SLC38A8: variants seen among roughly 807,000 people sequenced by gnomAD.
SLC38A8 encodes amino acid transporter SLC38A8.
A neutral mutation model predicts 46.0 loss-of-function variants in SLC38A8; 65 were observed. That is an observed-to-expected ratio of 1.41 (90% CI 1.16 to 1.74). The LOEUF is 1.74. Ranked by LOEUF, SLC38A8 falls within the 40% of genes most tolerant of loss-of-function variation. SLC38A8 has a pLI of 0.00. For missense variants in SLC38A8, 998 were observed against 567.9 expected, an observed-to-expected ratio of 1.76 and a Z score of -7.70; for synonymous variants, 447 against 243.7, an observed-to-expected ratio of 1.83 and a Z score of -7.77.
At chr16:84,021,448 G>A (rs184087124) in intron 7 of SLC38A8, among the ~76,000 whole-genome samples, 3 of 152,256 alleles carry the variant, frequency 2.0e-5, no homozygotes, top group Admixed American at 2.0e-4. Flanking sequence ...GCTTCTAACA[G>A]GTTTGTCCTT....
rs112161153 is a variant in SLC38A8, at chr16:84,041,913, A to G, written c.189+56T>C. The G allele has an allele frequency of 2.0e-6, 3 of 1,490,702 alleles. No individual in the cohort carries two copies. In the African/African-American group the frequency reaches 4.2e-5, roughly 21 times the overall value. The allele number at this position is 1,490,702 out of a possible 1,614,324, so 92.3% of individuals were successfully genotyped here. A position where few individuals can be genotyped will look rare whatever the true frequency, so the allele number is the denominator to read the frequency against. The stretch of plus-strand genomic sequence containing the variant: ...AGAAGCAATGCGAGGAACCCCACCC[A>G]GAAAAGCCAAAGCCACCTCGTACCC... On this transcript the variant is annotated intron_variant, in intron 2 of 10. Coordinates refer to ENST00000299709, the MANE Select transcript of SLC38A8 (RefSeq NM_001080442.3).
intron 6 of SLC38A8, among the ~76,000 whole-genome samples, chr16:84,024,543 G>T (rs1295074723): frequency 6.6e-6 from 1 of 152,066 alleles, no homozygotes; most frequent in Non-Finnish European, 1.5e-5. Context: ...CACTTTGGGA[G>T]GCCAAGGCGT....
intron 3 of SLC38A8, among the ~76,000 whole-genome samples, chr16:84,036,058 G>A (rs529941329): frequency 9.9e-5 from 15 of 152,272 alleles, no homozygotes; most frequent in Non-Finnish European, 2.2e-4. Context: ...AGTCTCACTG[G>A]ATCTCAAAAG....
intron 6 of SLC38A8, among the ~76,000 whole-genome samples, chr16:84,027,047 T>C (rs1846626559): frequency 6.6e-6 from 1 of 152,144 alleles, no homozygotes; most frequent in African/African-American, 2.4e-5. Context: ...TCAATAAAGA[T>C]ATTTTTTAAA....
rs757244483 is a variant in SLC38A8 at position 84,017,169 on chromosome 16, A to G, written c.924T>C (p.Thr308=). The G allele has an allele frequency of 1.4e-5, 22 of 1,614,030 alleles. No homozygotes were observed. The highest frequency in any genetic ancestry group is 4.0e-5 in the African/African-American group (3 of 74,894). Residue 308 remains threonine, a synonymous_variant, in exon 8 of 11, where the codon ACT becomes ACC. Transcript: ENST00000299709. The part of the protein sequence containing the change: ...ARVLFAVSIV[T]VYPIVLFLGR... ...CCAGGAAGAGCACGATGGGGTAGAC[A>G]GTTACGATGGAGACAGCAAAAAGGA... is the stretch of plus-strand genomic sequence containing the variant.
At position 84,022,756 on chromosome 16, in the gene SLC38A8, T is replaced by G; in HGVS notation, c.805+19A>C. The G allele has an allele frequency of 6.2e-7, 1 of 1,602,804 alleles. No individual in the cohort carries two copies. Among genetic ancestry groups the G allele is most frequent in the Non-Finnish European group, 8.5e-7 (1 of 1,170,114 alleles). On this transcript the variant is annotated intron_variant, in intron 7 of 10. Transcript: ENST00000299709. ...TGTCACTCCCCACCCTCTGCAGGGG[T>G]GCCTGGGAAGGGCCTTACCCGTCAG... is the stretch of plus-strand genomic sequence containing the variant.
At chr16:84,028,150 C>G (rs1054409319) in intron 6 of SLC38A8, among the ~76,000 whole-genome samples, 2 of 151,364 alleles carry the variant, frequency 1.3e-5, no homozygotes, top group African/African-American at 4.9e-5. Flanking sequence ...TCAATGGCTA[C>G]AAAGCTGAGA....
chr16:84,032,141 G>A (rs572057981), intron 4 of SLC38A8, among the ~76,000 whole-genome samples, 173 bp from the exon 5 acceptor site: 33 of 152,250 alleles, frequency 2.2e-4, no homozygotes, highest in African/African-American at 7.9e-4. Flanking sequence ...GGGCAGGGCT[G>A]CTTTGGGGTC....
At chr16:84,018,675 C>G (rs1472143584) in intron 7 of SLC38A8, among the ~76,000 whole-genome samples, 1 of 152,188 alleles carries the variant, frequency 6.6e-6, no homozygotes, top group South Asian at 2.1e-4. Context: ...ACAATCACAT[C>G]AGCAGGAGAA....
intron 9 of SLC38A8, among the ~76,000 whole-genome samples, chr16:84,013,593 G>A (rs775435478): frequency 5.9e-5 from 9 of 151,548 alleles, no homozygotes; most frequent in Admixed American, 1.3e-4. Flanking sequence ...ACCACACCCC[G>A]CTCATTTTTG....
In SLC38A8 at chr16:84,009,879, T is replaced by A. The variant is rs746191678; in HGVS notation, c.1215-2A>T. 1 of 1,612,728 alleles carries A rather than the reference T, an allele frequency of 6.2e-7. No individual in the cohort carries two copies. Among genetic ancestry groups the A allele is most frequent in the Admixed American group, 1.7e-5 (1 of 59,528 alleles). On this transcript the variant is annotated splice_acceptor_variant, in intron 10 of 10. Transcript: ENST00000299709. LOFTEE classifies it high-confidence loss of function. ...ACTCCCCAGACCTCCAGGCAGCACC[T>A]GCCAAGTGAATAAACCCATGTCAGA...
chr16:84,018,008 C>A (rs1022013830), intron 7 of SLC38A8, among the ~76,000 whole-genome samples: 1 of 152,106 alleles, frequency 6.6e-6, no homozygotes, highest in Admixed American at 6.5e-5. Flanking sequence ...CCTGGATAAC[C>A]ACAGTATCTT....
At chr16:84,029,401 C>T in intron 6 of SLC38A8, 93 bp downstream of exon 6, 3 of 1,387,956 alleles carry the variant, frequency 2.2e-6, no homozygotes, top group Non-Finnish European at 3.0e-6. Flanking sequence ...TCAGACGCCT[C>T]CCTGACAGAG....
In SLC38A8 at chr16:84,016,538, G is replaced by T; in HGVS notation, c.1143C>A (p.Phe381Leu). Residue 381 changes from phenylalanine (F) to leucine (L), a missense_variant, in exon 9 of 11, where the codon TTC (phenylalanine) becomes TTA (leucine). Transcript: ENST00000299709. ...CCTCACCTGGGAAGATGAAGATGAA[G>T]AAGGAACTGATGCCTCCGATGATGC... ...IVSIIGGISS[F>L]FIFIFPGLCL... 6.2e-7 allele frequency: 1 copy of T among 1,614,036 alleles called. No individual in the cohort carries two copies. Among genetic ancestry groups the T allele is most frequent in the Middle Eastern group, 1.7e-4 (1 of 6,060 alleles).
intron 7 of SLC38A8, among the ~76,000 whole-genome samples, chr16:84,019,163 C>T (rs148120045): frequency 0.013 from 1,990 of 152,176 alleles, 40 homozygotes; most frequent in African/African-American, 0.045. Context: ...CAACCTGTGC[C>T]TTCCAGGTTC....
chr16:84,039,287 C>T (rs1348025397), intron 2 of SLC38A8, among the ~76,000 whole-genome samples: 5 of 152,196 alleles, frequency 3.3e-5, no homozygotes, highest in Admixed American at 2.6e-4. Context: ...TATGTTATAG[C>T]AGCCCTAGGA....
At position 84,017,224 on chromosome 16, in the gene SLC38A8, C is replaced by G. The variant is rs1385633814; in HGVS notation, c.869G>C (p.Gly290Ala). 1 of 1,614,062 alleles carries G rather than the reference C, an allele frequency of 6.2e-7. No individual in the cohort carries two copies. Among genetic ancestry groups the G allele is most frequent in the Non-Finnish European group, 8.5e-7 (1 of 1,180,004 alleles). The change falls in exon 8 of 11, where the codon GGC becomes GCC. Residue 290 changes from glycine (G) to alanine (A), a missense_variant. By Grantham distance (60) the Gly-to-Ala change is moderately conservative. Transcript: ENST00000299709. ...VSADVLMSYP[G>A]NDMVIIVARV... ...GGCCACAATGATGACCATATCATTG[C>G]CTGGGTAGGACATCAAGACGTCAGC...
intron 9 of SLC38A8, among the ~76,000 whole-genome samples, chr16:84,014,370 G>C (rs1038085796): frequency 2.0e-5 from 3 of 148,700 alleles, no homozygotes; most frequent in South Asian, 2.1e-4. Context: ...GAGGAGTCGT[G>C]TGGCCACATC....
At chr16:84,017,088 C>T (rs2085037213) in intron 8 of SLC38A8, 52 bp downstream of exon 8, 2 of 1,605,110 alleles carry the variant, frequency 1.2e-6, no homozygotes, top group South Asian at 1.1e-5. Context: ...TCAATCACAG[C>T]ACACATCAGC....
Sources: gnomAD v4.1 joint callset for allele counts (sites outside exome capture counted in the v4.1 genomes callset) on GRCh38, gnomAD v4.1.1 for gene constraint, MANE v1.5 for transcripts, NCBI Gene and HGNC (gene_info 2026-07-23, HGNC 2026-07-21) for gene names.